Variants in PCDH15 observed in about 807,000 individuals in gnomAD.
PCDH15 encodes the protein protocadherin-15.
Under a neutral mutation model 178.5 loss-of-function variants are expected in PCDH15, and 129 were observed. That is an observed-to-expected ratio of 0.72 (90% CI 0.63 to 0.84). The LOEUF (loss-of-function observed/expected upper bound fraction) is 0.84. Ranked by LOEUF, PCDH15 falls within the 40% of genes least tolerant of loss-of-function variation. The pLI, the probability that PCDH15 is intolerant of heterozygous loss-of-function variation, is 0.00. For synonymous variants in PCDH15, 800 were observed against 732.0 expected, an observed-to-expected ratio of 1.09 and a Z score of -1.50; for missense variants, 2,230 against 2,099.9, an observed-to-expected ratio of 1.06 and a Z score of -1.21.
At chr10:55,215,771 G>C (rs1840686789) in intron 1 of PCDH15, among the ~76,000 whole-genome samples, 1 of 151,910 alleles carries the variant, frequency 6.6e-6, no homozygotes, top group African/African-American at 2.4e-5. Flanking sequence ...CTGTTTTCAT[G>C]TTCTTCCAAA....
At chr10:54,119,152 TG>T (rs1408804738) in intron 15 of PCDH15, among the ~76,000 whole-genome samples, 1 of 152,018 alleles carries the variant, frequency 6.6e-6, no homozygotes, top group East Asian at 1.9e-4. Context: ...CTAACCAAAA[TG>T]GAAACTCAGA....
At chr10:55,391,009 A>G (rs145599528) in intron 2 of PCDH15, among the ~76,000 whole-genome samples, 2 of 152,308 alleles carry the variant, frequency 1.3e-5, no homozygotes, top group African/African-American at 4.8e-5. Flanking sequence ...TAGCCCAATA[A>G]CAAGAAAGTC....
At chr10:54,366,861 A>C (rs562288498) in intron 5 of PCDH15, among the ~76,000 whole-genome samples, 1 of 152,202 alleles carries the variant, frequency 6.6e-6, no homozygotes, top group Non-Finnish European at 1.5e-5. Context: ...CAGTTATCTA[A>C]AAGGAAATGC....
rs199775935 is a variant in PCDH15 at position 55,101,407 on chromosome 10, T to G, written c.-80+65169A>C. 1.2e-3 allele frequency among the ~76,000 whole-genome samples: 77 copies of G among 64,266 alleles called. 2 individuals are homozygous for G. The East Asian group carries it at 0.028, about 24-fold the overall frequency. 42.2% of individuals were successfully genotyped at this position (64,266 alleles called of 152,430 possible). A position where few individuals can be genotyped will look rare whatever the true frequency, so the allele number is the denominator to read the frequency against. ...CCATCTCAAAATAAAAAAAAAAAAC[T>G]TTTTTTTTTTTATGGCCACTCCTCT... On this transcript the variant is annotated intron_variant, in intron 2 of 5. Transcript: ENST00000458638.
chr10:55,402,467 T>G (rs545424598), intron 2 of PCDH15, among the ~76,000 whole-genome samples: 1 of 151,978 alleles, frequency 6.6e-6, no homozygotes, highest in Admixed American at 6.6e-5. Flanking sequence ...GAACTTATTC[T>G]TTCTGTCTAA....
intron 2 of PCDH15, among the ~76,000 whole-genome samples, chr10:55,462,885 C>T (rs556188490): frequency 6.6e-6 from 1 of 151,962 alleles, no homozygotes; most frequent in Non-Finnish European, 1.5e-5. Flanking sequence ...TCATTTTCCC[C>T]CAGTAGAAGC....
At position 55,182,547 on chromosome 10, in the gene PCDH15, C is replaced by T. The variant is rs986365869; in HGVS notation, c.-155-15896G>A. Among the ~76,000 whole-genome samples the T allele has an allele frequency of 2.0e-5, 3 of 151,930 alleles. No homozygotes were observed. The South Asian group carries it at 6.2e-4, about 31-fold the overall frequency. On this transcript the variant is annotated intron_variant, in intron 1 of 5. Transcript: ENST00000458638. ...AGTCCTTACTTTCCTCATCCATAAG[C>T]AGATCTATAAAGCATATTCTAGCCT...
intron 25 of PCDH15, among the ~76,000 whole-genome samples, chr10:53,920,380 G>C (rs913277841): frequency 1.3e-5 from 2 of 151,794 alleles, no homozygotes; most frequent in Admixed American, 6.6e-5. Flanking sequence ...ATGTAAAAGT[G>C]CATATAAGTG....
chr10:55,253,865 T>A (rs1218459756), intron 1 of PCDH15, among the ~76,000 whole-genome samples: 1 of 152,186 alleles, frequency 6.6e-6, no homozygotes, highest in Non-Finnish European at 1.5e-5. Flanking sequence ...CATTGTACAC[T>A]GCAAAGTAGT....
In PCDH15 at chr10:54,230,634, CA is replaced by C. The variant is rs1455564133; in HGVS notation, c.985+6188del. 2.0e-5 allele frequency among the ~76,000 whole-genome samples: 3 copies of C among 152,140 alleles called. No individual in the cohort carries two copies. In the East Asian group the frequency reaches 5.8e-4, roughly 29 times the overall value. On this transcript the variant is annotated intron_variant, in intron 9 of 37. Transcript: ENST00000644397. ...TGCTAATACTTGATAATACCTACCA[CA>C]GTTAATGAAGGTTGATAAAAAAATT... is the stretch of plus-strand genomic sequence containing the variant.
At chr10:54,089,842 C>T in intron 16 of PCDH15, 142 bp downstream of exon 16, 2 of 677,702 alleles carry the variant, frequency 3.0e-6, no homozygotes, top group Non-Finnish European at 5.2e-6. Flanking sequence ...GAATTATCCT[C>T]CCAGCTACCA....
At chr10:55,207,742 C>T (rs1429295619) in intron 1 of PCDH15, among the ~76,000 whole-genome samples, 1 of 152,064 alleles carries the variant, frequency 6.6e-6, no homozygotes, top group Non-Finnish European at 1.5e-5. Context: ...CTGAGGCGGG[C>T]ATATCACCTG....
chr10:54,362,671 A>G (rs1182299273), intron 5 of PCDH15, among the ~76,000 whole-genome samples: 1 of 152,200 alleles, frequency 6.6e-6, no homozygotes. Context: ...AAAACCTTTC[A>G]ACGAAAAGAA....
chr10:55,564,195 TG>T (rs1400422472), intron 2 of PCDH15, among the ~76,000 whole-genome samples: 2 of 151,800 alleles, frequency 1.3e-5, no homozygotes. Context: ...AAAATGATTA[TG>T]TTTTTGAATG....
In PCDH15 at chr10:55,590,383, A is replaced by G. The variant is rs1842821173; in HGVS notation, c.-156+37242T>C. ...TGCTAAATGGCGAGTTAATGGGTGC[A>G]GCACACCAGCATGGCACATGTATAC... is the stretch of plus-strand genomic sequence containing the variant. On this transcript the variant is annotated intron_variant, in intron 2 of 5. Transcript: ENST00000613346. Among the ~76,000 whole-genome samples, 3 of 151,918 alleles carry G rather than the reference A, an allele frequency of 2.0e-5. 1 individual carries two copies. In the Middle Eastern group the frequency reaches 0.01, roughly 517 times the overall value.
intron 1 of PCDH15, among the ~76,000 whole-genome samples, chr10:54,764,020 A>T (rs1202046066): frequency 6.6e-6 from 1 of 151,972 alleles, no homozygotes; most frequent in Non-Finnish European, 1.5e-5. Context: ...GAAGAAAAAG[A>T]TCTTTTACCA....
intron 1 of PCDH15, among the ~76,000 whole-genome samples, chr10:54,696,333 G>A (rs72794523): frequency 0.028 from 4,274 of 152,142 alleles, 82 homozygotes; most frequent in Non-Finnish European, 0.046. Context: ...CTGAATTGCT[G>A]CAATCTCATG....
chr10:54,320,292 A>G (rs1207280102), intron 7 of PCDH15, among the ~76,000 whole-genome samples: 1 of 151,948 alleles, frequency 6.6e-6, no homozygotes, highest in African/African-American at 2.4e-5. Flanking sequence ...AGCTATTTTA[A>G]TCTCCCCTTT....
intron 10 of PCDH15, among the ~76,000 whole-genome samples, chr10:54,213,140 C>G (rs953688322): frequency 5.9e-5 from 9 of 151,916 alleles, no homozygotes; most frequent in Non-Finnish European, 1.3e-4. Context: ...GAGTTATGTA[C>G]TATATACAAA....
Sources: gnomAD v4.1 joint callset for allele counts (sites outside exome capture counted in the v4.1 genomes callset) on GRCh38, gnomAD v4.1.1 for gene constraint, MANE v1.5 for transcripts, NCBI Gene and HGNC (gene_info 2026-07-23, HGNC 2026-07-21) for gene names.